Variants in FAP observed in about 807,000 individuals in gnomAD.
FAP encodes the protein prolyl endopeptidase FAP.
FAP carries 110 observed loss-of-function variants against 126.5 expected under a neutral mutation model. The observed-to-expected ratio is 0.87, with a 90% CI of 0.74 to 1.02. The LOEUF (loss-of-function observed/expected upper bound fraction) is 1.02. Ranked by LOEUF, FAP falls within the 50% of genes least tolerant of loss-of-function variation. The pLI, the probability that FAP is intolerant of heterozygous loss-of-function variation, is 0.00. For missense variants in FAP, 919 were observed against 909.2 expected (o/e 1.01, Z -0.14); for synonymous variants, 334 against 297.3 (o/e 1.12, Z -1.27).
At chr2:162,223,945 T>C (rs1689521671) in intron 5 of FAP, among the ~76,000 whole-genome samples, 1 of 152,090 alleles carries the variant, frequency 6.6e-6, no homozygotes. Context: ...AAAAAGCTTA[T>C]CTTTGCATAC....
At position 162,203,045 on chromosome 2, in the gene FAP, G is replaced by T. The variant is rs1167364601; in HGVS notation, c.1148C>A (p.Thr383Asn). ...GYKHIHYIKD[T>N]VENAIQITSG... is the part of the protein sequence containing the mutation. ...TAAATCTTGGAAGGAACGTACCACA[G>T]TGTCTTTGATATAGTGAATATGTTT... Residue 383 changes from threonine to asparagine, a missense_variant, in exon 13 of 26, where the codon ACT becomes AAT. Thr to Asn is a moderately conservative substitution (Grantham distance 65). Transcript: ENST00000188790. 2.5e-6 allele frequency: 4 copies of T among 1,610,338 alleles called. No homozygotes were observed. The highest frequency in any genetic ancestry group is 3.4e-6 in the Non-Finnish European group (4 of 1,176,786).
chr2:162,223,745 CAAAGTTCAGAATTATA>C (rs1445555812), intron 5 of FAP, 85 bp from the exon 6 acceptor site: 5 of 833,334 alleles, frequency 6.0e-6, no homozygotes, highest in Non-Finnish European at 1.0e-5. Context: ...GCATCCAATT[CAAAGTTCAGAATTATA>C]AAAGGACTAC....
chr2:162,186,426 A>G (rs190285539), intron 20 of FAP, among the ~76,000 whole-genome samples: 1 of 152,208 alleles, frequency 6.6e-6, no homozygotes, highest in East Asian at 1.9e-4. Context: ...TGTGTCCTGT[A>G]TGTTGAATAT....
chr2:162,226,618 T>C lies in FAP; in HGVS notation c.95A>G (p.His32Arg), dbSNP rs760491232. The change falls in exon 3 of 26, where the codon CAT (histidine) becomes CGT (arginine). Residue 32 changes from histidine (H) to arginine (R), a missense_variant. By Grantham distance (29) the His-to-Arg change is conservative (BLOSUM62 0). Transcript: ENST00000188790. ...MCIVLRPSRV[H>R]NSEENTMRAL... ...TCTCATTGTATTTTCTTCAGAGTTA[T>C]GAACTTTGGGGGAAGAGCAAATACA... The C allele has an allele frequency of 6.4e-7, 1 of 1,564,258 alleles. No individual in the cohort carries two copies. Among genetic ancestry groups the C allele is most frequent in the East Asian group, 2.3e-5 (1 of 44,288 alleles).
chr2:162,190,848 T>C (rs1210190303), intron 17 of FAP, among the ~76,000 whole-genome samples: 1 of 152,086 alleles, frequency 6.6e-6, no homozygotes, highest in Non-Finnish European at 1.5e-5. Flanking sequence ...CTTGTAACTC[T>C]CAGTTTTCAT....
intron 21 of FAP, among the ~76,000 whole-genome samples, chr2:162,180,959 C>G (rs1392074069): frequency 2.0e-5 from 3 of 151,914 alleles, no homozygotes; most frequent in East Asian, 1.9e-4. Flanking sequence ...AGATCCAGAC[C>G]CAGAAAAACA....
intron 22 of FAP, among the ~76,000 whole-genome samples, chr2:162,174,306 G>A (rs1687410615): frequency 6.6e-6 from 1 of 152,054 alleles, no homozygotes; most frequent in Non-Finnish European, 1.5e-5. Context: ...ATATAGAGGA[G>A]AGAATCTGAT....
intron 11 of FAP, among the ~76,000 whole-genome samples, chr2:162,212,287 T>C (rs1410876360): frequency 6.6e-6 from 1 of 152,146 alleles, no homozygotes; most frequent in Non-Finnish European, 1.5e-5. Context: ...TTCAAACTAA[T>C]AAAATTAAAG....
intron 16 of FAP, among the ~76,000 whole-genome samples, chr2:162,195,487 G>A (rs1345813954): frequency 2.6e-5 from 4 of 151,720 alleles, no homozygotes; most frequent in Non-Finnish European, 4.4e-5. Flanking sequence ...GATGTGGCCC[G>A]GGAGAAGAGA....
chr2:162,241,334 A>G (rs956257633), intron 2 of FAP, among the ~76,000 whole-genome samples: 6 of 152,244 alleles, frequency 3.9e-5, no homozygotes, highest in Non-Finnish European at 7.3e-5. Flanking sequence ...TAAGCTATAC[A>G]TAACTAAACT....
intron 2 of FAP, among the ~76,000 whole-genome samples, chr2:162,236,417 C>T (rs1690131531): frequency 6.6e-6 from 1 of 150,574 alleles, no homozygotes; most frequent in Admixed American, 6.6e-5. Context: ...GTCAGTGAAG[C>T]CATCTGAGCT....
At chr2:162,205,977 T>C (rs1688684111) in intron 12 of FAP, among the ~76,000 whole-genome samples, 2 of 152,192 alleles carry the variant, frequency 1.3e-5, no homozygotes, top group Admixed American at 6.5e-5. Flanking sequence ...AAGGGCTTTG[T>C]TCTAGATTAA....
intron 14 of FAP, 149 bp downstream of exon 14, chr2:162,202,723 A>T (rs961937502): frequency 4.0e-6 from 2 of 501,500 alleles, no homozygotes; most frequent in African/African-American, 3.9e-5. Flanking sequence ...ACTAGTTATT[A>T]AAAATGTGCA....
At position 162,174,867 on chromosome 2, in the gene FAP, C is replaced by A. The variant is rs142580939; in HGVS notation, c.1969G>T (p.Ala657Ser). The A allele has an allele frequency of 6.3e-7, 1 of 1,598,114 alleles. No homozygotes were observed. Among genetic ancestry groups the A allele is most frequent in the South Asian group, 1.1e-5 (1 of 90,650 alleles). Residue 657 changes from alanine (A) to serine (S), a missense_variant and splice_region_variant, in exon 22 of 26, where the codon GCG (alanine) becomes TCG (serine). Transcript: ENST00000188790. ...GTAACATTAATGAATGTTTCCATACCGTAATATTCCCAGCTGGAGACTGGA... is the reference window on the plus strand; with the variant it reads ...GTAACATTAATGAATGTTTCCATACAGTAATATTCCCAGCTGGAGACTGGA... Reference protein sequence around the residue: ...VAPVSSWEYYASVYTERFMGL... With the variant: ...VAPVSSWEYYSSVYTERFMGL...
intron 11 of FAP, among the ~76,000 whole-genome samples, chr2:162,212,391 T>A (rs1201611957): frequency 1.3e-5 from 2 of 152,200 alleles, no homozygotes; most frequent in African/African-American, 4.8e-5. Flanking sequence ...TTAACTAGCA[T>A]AATCAAGATT....
chr2:162,231,861 G>A (rs532233460), intron 2 of FAP, among the ~76,000 whole-genome samples: 4 of 152,308 alleles, frequency 2.6e-5, no homozygotes, highest in African/African-American at 9.6e-5. Flanking sequence ...AAAATTAAGT[G>A]GCATACAAAT....
chr2:162,179,801 TATATA>T (rs1559761518), intron 21 of FAP, among the ~76,000 whole-genome samples: 2 of 138,916 alleles, frequency 1.4e-5, no homozygotes, highest in African/African-American at 5.5e-5. Context: ...TATATATATA[TATATA>T]TATATATTTT....
At chr2:162,202,471 T>A (rs1688534561) in intron 14 of FAP, among the ~76,000 whole-genome samples, 2 of 152,222 alleles carry the variant, frequency 1.3e-5, no homozygotes, top group South Asian at 4.1e-4. Flanking sequence ...ATGACAGTTG[T>A]TATAAATAAT....
At chr2:162,218,686 A>C (rs1248167800) in intron 8 of FAP, among the ~76,000 whole-genome samples, 1 of 152,018 alleles carries the variant, frequency 6.6e-6, no homozygotes, top group African/African-American at 2.4e-5. Context: ...AAATCAACAG[A>C]GTATCAGAAA....
Sources: allele counts gnomAD v4.1 joint callset (sites outside exome capture counted in the v4.1 genomes callset), GRCh38; gene constraint gnomAD v4.1.1; transcripts MANE v1.5; gene names NCBI Gene and HGNC (gene_info 2026-07-23, HGNC 2026-07-21).